SH3GL2: variants seen among roughly 807,000 people sequenced by gnomAD.
The protein encoded by SH3GL2 is endophilin-A1.
SH3GL2 carries 24 observed loss-of-function variants against 46.0 expected under a neutral mutation model. That is an observed-to-expected ratio of 0.52 (90% CI 0.38 to 0.73). The LOEUF (loss-of-function observed/expected upper bound fraction) is 0.73, where lower values mean the gene tolerates loss of function less well. SH3GL2 is among the 30% of genes least tolerant of loss of function. The probability of loss-of-function intolerance (pLI) is 0.00; values close to 1 mark genes in which losing one functional copy is unlikely to be tolerated. For missense variants in SH3GL2, 413 were observed against 424.2 expected, an observed-to-expected ratio of 0.97 and a Z score of 0.23; for synonymous variants, 196 against 147.1, an observed-to-expected ratio of 1.33 and a Z score of -2.40.
At chr9:17,697,659 A>T (rs774093812) in intron 1 of SH3GL2, among the ~76,000 whole-genome samples, 7 of 152,194 alleles carry the variant, frequency 4.6e-5, no homozygotes, top group Non-Finnish European at 1.0e-4. Flanking sequence ...TTCATTAGAC[A>T]TCCACTAGTA....
chr9:17,592,205 A>G (rs930285636), intron 1 of SH3GL2, among the ~76,000 whole-genome samples: 3 of 152,196 alleles, frequency 2.0e-5, no homozygotes, highest in African/African-American at 7.2e-5. Context: ...GAGAAGATGG[A>G]AGTCTTGCTT....
chr9:17,760,813 G>A (rs775836705), intron 2 of SH3GL2, among the ~76,000 whole-genome samples: 1 of 152,068 alleles, frequency 6.6e-6, no homozygotes, highest in Admixed American at 6.6e-5. Flanking sequence ...TCTTTCAAGT[G>A]GGGAGAGGGG....
chr9:17,682,932 G>A (rs1820810934), intron 1 of SH3GL2, among the ~76,000 whole-genome samples: 1 of 151,782 alleles, frequency 6.6e-6, no homozygotes, highest in South Asian at 2.1e-4. Context: ...CTTCTGCTGG[G>A]GTGTAGAAAG....
chr9:17,727,091 A>G (rs1437655348), intron 1 of SH3GL2, among the ~76,000 whole-genome samples: 1 of 152,178 alleles, frequency 6.6e-6, no homozygotes, highest in Admixed American at 6.5e-5. Flanking sequence ...GGAGAAGTAA[A>G]TGTTAATATA....
At chr9:17,708,983 T>C (rs1821549049) in intron 1 of SH3GL2, among the ~76,000 whole-genome samples, 1 of 152,042 alleles carries the variant, frequency 6.6e-6, no homozygotes, top group Admixed American at 6.6e-5. Flanking sequence ...CAAGCTATTA[T>C]TTTTCTCCCT....
intron 6 of SH3GL2, 67 bp downstream of exon 6, chr9:17,789,617 C>T (rs748088507): frequency 8.9e-5 from 142 of 1,596,558 alleles, no homozygotes; most frequent in Middle Eastern, 8.4e-4. Flanking sequence ...TGTTAAAGGC[C>T]ATAACCCTTA....
rs900192428 is a variant in SH3GL2 at position 17,579,099 on chromosome 9, G to T, written c.-144G>T. ...GTTTCTCCGCAAGAGCCCGTGTCCC[G>T]CTAGGCTCCGCGCCCTCGCGCCCAT... On this transcript the variant is annotated 5_prime_UTR_variant, in exon 1 of 9. Coordinates refer to ENST00000380607, the MANE Select transcript of SH3GL2 (RefSeq NM_003026.5). 2 of 510,304 alleles carry T rather than the reference G, an allele frequency of 3.9e-6. No homozygotes were observed. The highest frequency in any genetic ancestry group is 6.7e-6 in the Non-Finnish European group (2 of 300,482). The allele number at this position is 510,304 out of a possible 1,614,324, so 31.6% of individuals were successfully genotyped here.
chr9:17,615,130 G>A (rs1001624289), intron 1 of SH3GL2, among the ~76,000 whole-genome samples: 19 of 151,892 alleles, frequency 1.3e-4, no homozygotes, highest in Admixed American at 3.9e-4. Context: ...TAGGACCCAC[G>A]GCTGTGTGTT....
intron 3 of SH3GL2, among the ~76,000 whole-genome samples, chr9:17,779,504 G>T (rs796358909): frequency 2.6e-4 from 39 of 152,172 alleles, no homozygotes; most frequent in African/African-American, 9.1e-4. Context: ...TATAGATGCA[G>T]CCCATCCCTC....
At chr9:17,740,539 CA>C (rs1822497039) in intron 1 of SH3GL2, among the ~76,000 whole-genome samples, 1 of 148,682 alleles carries the variant, frequency 6.7e-6, no homozygotes, top group South Asian at 2.1e-4. Flanking sequence ...AGAACTTTTG[CA>C]CAGAGTCAGA....
intron 1 of SH3GL2, among the ~76,000 whole-genome samples, chr9:17,658,985 A>G (rs779486379): frequency 9.9e-5 from 15 of 152,236 alleles, no homozygotes; most frequent in Non-Finnish European, 2.1e-4. Flanking sequence ...CAGTTATGAA[A>G]TTATCTTCTG....
rs767397662 is a variant in SH3GL2 at position 17,793,387 on chromosome 9, A to G, written c.749A>G (p.Gln250Arg). 2 of 1,612,452 alleles carry G rather than the reference A, an allele frequency of 1.2e-6. No homozygotes were observed. The highest frequency in any genetic ancestry group is 1.7e-6 in the Non-Finnish European group (2 of 1,179,274). ...TGCAGAATAAGACAGGCTTCATCTC[A>G]GCCTAGAAGGGAATATCAACCTAAA... Reference protein sequence around the residue: ...LEERIRQASSQPRREYQPKPR... With the variant: ...LEERIRQASSRPRREYQPKPR... The change falls in exon 8 of 9, where the codon CAG becomes CGG. Residue 250 changes from glutamine to arginine, a missense_variant. Physicochemically the swap from Gln to Arg is conservative, Grantham distance 43 (BLOSUM62 1). This residue lies in a region of SH3GL2 where 248 missense variants were observed against 215.0 expected (regional missense o/e 1.15). Coordinates refer to ENST00000380607, the MANE Select transcript of SH3GL2 (RefSeq NM_003026.5).
chr9:17,761,400 A>G (rs1563843425), intron 2 of SH3GL2, 37 bp from the exon 3 acceptor site: 1 of 1,347,260 alleles, frequency 7.4e-7, no homozygotes. Context: ...AAAGCTCATC[A>G]TTTTTGTCAT....
intron 3 of SH3GL2, among the ~76,000 whole-genome samples, chr9:17,770,184 A>G (rs531224468): frequency 6.6e-6 from 1 of 152,322 alleles, no homozygotes; most frequent in African/African-American, 2.4e-5. Flanking sequence ...AAAAGTGTGG[A>G]TGTGCATACT....
At chr9:17,784,943 C>G (rs908744908) in intron 3 of SH3GL2, among the ~76,000 whole-genome samples, 1 of 152,176 alleles carries the variant, frequency 6.6e-6, no homozygotes, top group African/African-American at 2.4e-5. Flanking sequence ...AAACTCCTGG[C>G]CTCAAATGAT....
At chr9:17,793,254 C>T in intron 7 of SH3GL2, 113 bp from the exon 8 acceptor site, 1 of 931,692 alleles carries the variant, frequency 1.1e-6, no homozygotes, top group East Asian at 2.6e-5. Flanking sequence ...TCCCACACTT[C>T]ATCATGGTAG....
chr9:17,589,684 A>G (rs1209334402), intron 1 of SH3GL2: 2 of 152,268 alleles, frequency 1.3e-5, no homozygotes, highest in Non-Finnish European at 1.5e-5. Context: ...GCCAACACAG[A>G]CAGTGAAATG....
chr9:17,709,964 A>C (rs900844987), intron 1 of SH3GL2, among the ~76,000 whole-genome samples: 2 of 151,894 alleles, frequency 1.3e-5, no homozygotes, highest in Non-Finnish European at 2.9e-5. Context: ...GTACCCCTAG[A>C]GGCCCTATAA....
chr9:17,612,233 A>G (rs1818884246), intron 1 of SH3GL2, among the ~76,000 whole-genome samples: 1 of 152,186 alleles, frequency 6.6e-6, no homozygotes, highest in Non-Finnish European at 1.5e-5. Context: ...ACAGGGAGGA[A>G]AAGCCCTTCC....
Sources: allele counts gnomAD v4.1 joint callset (sites outside exome capture counted in the v4.1 genomes callset), GRCh38; gene constraint gnomAD v4.1.1; regional missense constraint gnomAD v4.1.1; transcripts MANE v1.5; gene names NCBI Gene and HGNC (gene_info 2026-07-23, HGNC 2026-07-21).